NEBL: variants seen among roughly 807,000 people sequenced by gnomAD.
The protein encoded by NEBL is nebulette, also known as LIM and SH3 protein 2.
Under a neutral mutation model 140.2 loss-of-function variants are expected in NEBL, and 122 were observed. That is an observed-to-expected ratio of 0.87 (90% confidence interval 0.75 to 1.01). NEBL has a LOEUF of 1.01. NEBL is among the 50% of genes least tolerant of loss of function. The pLI is 0.00. For synonymous variants in NEBL, 436 were observed against 398.9 expected (o/e 1.09, Z -1.11); for missense variants, 1,365 against 1,231.3 (o/e 1.11, Z -1.62).
intron 1 of NEBL, among the ~76,000 whole-genome samples, chr10:21,268,606 C>G (rs183570260): frequency 2.0e-5 from 3 of 150,420 alleles, no homozygotes; most frequent in Non-Finnish European, 4.4e-5. Flanking sequence ...TCACTGCAAC[C>G]TCTGCCTCCC....
chr10:20,912,533 G>T (rs1301167145), intron 4 of NEBL, among the ~76,000 whole-genome samples: 2 of 152,100 alleles, frequency 1.3e-5, no homozygotes, highest in African/African-American at 2.4e-5. Flanking sequence ...CTGTTGCTTT[G>T]TTTACATTTT....
chr10:20,850,297 G>C, intron 11 of NEBL, 98 bp downstream of exon 11: 1 of 973,558 alleles, frequency 1.0e-6, no homozygotes, highest in East Asian at 2.4e-5. Context: ...GCCCACAGCA[G>C]CACTCTTCCT....
intron 3 of NEBL, among the ~76,000 whole-genome samples, chr10:21,218,462 A>G (rs1289270022): frequency 7.7e-6 from 1 of 130,178 alleles, no homozygotes; most frequent in Non-Finnish European, 1.5e-5. Context: ...CTTTCTCATA[A>G]GATAAAATTT....
At chr10:20,812,299 T>C (rs956611840) in intron 24 of NEBL, among the ~76,000 whole-genome samples, 16 of 152,154 alleles carry the variant, frequency 1.1e-4, no homozygotes, top group Non-Finnish European at 2.4e-4. Context: ...GCTGCTTCTT[T>C]GCTTAACAAG....
chr10:21,126,033 C>T lies in NEBL; in HGVS notation c.164+46350G>A, dbSNP rs752690569. 5.0e-6 allele frequency: 8 copies of T among 1,614,064 alleles called. No individual in the cohort carries two copies. In the East Asian group the frequency reaches 6.7e-5, roughly 13 times the overall value. On this transcript the variant is annotated intron_variant, in intron 2 of 6. Coordinates refer to the NEBL transcript ENST00000417816. ...TGACTCTCCGCAGCCACCTGGCAAG[C>T]GTTGGCCAGCTTTGCAGCCTTCTGG...
At chr10:21,259,501 G>A (rs1302633721) in intron 1 of NEBL, among the ~76,000 whole-genome samples, 4 of 151,610 alleles carry the variant, frequency 2.6e-5, no homozygotes, top group Non-Finnish European at 5.9e-5. Context: ...CCTCTTTCTA[G>A]CCTTTCCCAC....
intron 2 of NEBL, among the ~76,000 whole-genome samples, chr10:21,098,643 C>T (rs1291539459): frequency 6.6e-6 from 1 of 152,132 alleles, no homozygotes; most frequent in Non-Finnish European, 1.5e-5. Flanking sequence ...AAACTCAGTT[C>T]ATTTGGTGTC....
intron 1 of NEBL, among the ~76,000 whole-genome samples, chr10:21,258,224 A>G (rs1842688942): frequency 6.6e-6 from 1 of 151,984 alleles, no homozygotes; most frequent in African/African-American, 2.4e-5. Context: ...GATGTTCACA[A>G]CTGCAATGAG....
rs143120150 is a variant in NEBL, at chr10:20,978,165, C to A, written c.250-16386G>T. Among the ~76,000 whole-genome samples, 264 of 152,206 alleles carry A rather than the reference C, an allele frequency of 1.7e-3. 1 individual carries two copies. The highest frequency in any genetic ancestry group is 6.2e-3 in the African/African-American group (258 of 41,536). On this transcript the variant is annotated intron_variant, in intron 3 of 6. Coordinates refer to the NEBL transcript ENST00000417816. ...CAATTCCCCAGCTAAAAGACAGACC[C>A]GAAATGAGATTCAAGTTTATCCAAC... is the stretch of plus-strand genomic sequence containing the variant.
At chr10:20,917,969 T>C (rs749478804) in intron 4 of NEBL, among the ~76,000 whole-genome samples, 1 of 152,116 alleles carries the variant, frequency 6.6e-6, no homozygotes, top group Non-Finnish European at 1.5e-5. Flanking sequence ...TCTGGTAAAA[T>C]ACTAATAAAA....
intron 5 of NEBL, among the ~76,000 whole-genome samples, chr10:20,879,497 G>C (rs1845818357): frequency 6.6e-6 from 1 of 152,234 alleles, no homozygotes; most frequent in South Asian, 2.1e-4. Flanking sequence ...TTGTATATTT[G>C]GGTTAAAACG....
At chr10:20,798,429 A>G (rs1212801432) in intron 26 of NEBL, among the ~76,000 whole-genome samples, 1 of 152,234 alleles carries the variant, frequency 6.6e-6, no homozygotes, top group African/African-American at 2.4e-5. Context: ...TGGAGATCAC[A>G]TTATGACTCT....
At chr10:21,074,554 T>C (rs972894463) in intron 2 of NEBL, among the ~76,000 whole-genome samples, 4 of 148,856 alleles carry the variant, frequency 2.7e-5, no homozygotes, top group African/African-American at 7.5e-5. Flanking sequence ...CTTGGCTCAC[T>C]GCAACCTCTT....
intron 7 of NEBL, 168 bp downstream of exon 7, chr10:20,868,496 C>A: frequency 1.6e-6 from 1 of 617,698 alleles, no homozygotes; most frequent in South Asian, 2.0e-5. Flanking sequence ...AATTTTTTTC[C>A]TTTACTGAAA....
At chr10:20,829,755 C>A (rs1840227324) in intron 16 of NEBL, among the ~76,000 whole-genome samples, 1 of 152,056 alleles carries the variant, frequency 6.6e-6, no homozygotes, top group Non-Finnish European at 1.5e-5. Flanking sequence ...TGAGTTAATG[C>A]AGGAAATCTG....
intron 2 of NEBL, among the ~76,000 whole-genome samples, chr10:21,132,178 ACTTT>A (rs1839143996): frequency 6.6e-6 from 1 of 152,028 alleles, no homozygotes; most frequent in Non-Finnish European, 1.5e-5. Context: ...CTGCTAACCT[ACTTT>A]CTGTTTCTAT....
At chr10:21,261,972 C>T (rs1360264829) in intron 1 of NEBL, among the ~76,000 whole-genome samples, 1 of 152,104 alleles carries the variant, frequency 6.6e-6, no homozygotes, top group African/African-American at 2.4e-5. Context: ...TCCAAGATAT[C>T]GCCTGGGATA....
chr10:21,026,285 T>C (rs1839026560), intron 2 of NEBL, among the ~76,000 whole-genome samples: 1 of 152,166 alleles, frequency 6.6e-6, no homozygotes, highest in Non-Finnish European at 1.5e-5. Context: ...TACTGACATC[T>C]CGTGGTCAGG....
intron 3 of NEBL, among the ~76,000 whole-genome samples, chr10:21,186,999 TG>T (rs1841484730): frequency 7.2e-6 from 1 of 138,960 alleles, no homozygotes; most frequent in African/African-American, 2.8e-5. Flanking sequence ...TGTGTGTGTG[TG>T]TGTGTGTGTG....
Sources: allele counts gnomAD v4.1 joint callset (sites outside exome capture counted in the v4.1 genomes callset), GRCh38; gene constraint gnomAD v4.1.1; transcripts MANE v1.5; gene names NCBI Gene and HGNC (gene_info 2026-07-23, HGNC 2026-07-21).